Variants in THSD4 observed in about 807,000 individuals in gnomAD.
THSD4 encodes thrombospondin type-1 domain-containing protein 4.
Under a neutral mutation model 119.0 loss-of-function variants are expected in THSD4, and 69 were observed. That is an observed-to-expected ratio of 0.58 (90% CI 0.48 to 0.71). The LOEUF is 0.71. Ranked by LOEUF, THSD4 falls within the 30% of genes least tolerant of loss-of-function variation. The pLI is 0.00. For synonymous variants in THSD4, 524 were observed against 540.4 expected (o/e 0.97, Z 0.42); for missense variants, 1,393 against 1,391.1 (o/e 1.00, Z -0.02).
In THSD4 at chr15:71,740,608, C is replaced by T. The variant is rs60373160; in HGVS notation, c.1906+2601C>T. On this transcript the variant is annotated intron_variant, in intron 11 of 17. Coordinates refer to ENST00000261862, the MANE Select transcript of THSD4 (RefSeq NM_024817.3). ...TCTCCTCCAGACGCTCCCACGGTCTCTCTAATGGAGCAAACTCATAACCAA... is the reference window on the plus strand; with the variant it reads ...TCTCCTCCAGACGCTCCCACGGTCTTTCTAATGGAGCAAACTCATAACCAA... 1.8e-3 allele frequency among the ~76,000 whole-genome samples: 267 copies of T among 152,292 alleles called. 4 individuals are homozygous for T. The highest frequency in any genetic ancestry group is 6.1e-3 in the African/African-American group (253 of 41,560).
intron 7 of THSD4, among the ~76,000 whole-genome samples, chr15:71,533,733 TA>T (rs1327324915): frequency 1.3e-5 from 2 of 152,114 alleles, no homozygotes; most frequent in Non-Finnish European, 2.9e-5. Flanking sequence ...CAAGGGTCCT[TA>T]AAGGTGGAAG....
At chr15:71,514,291 T>C (rs912844005) in intron 7 of THSD4, among the ~76,000 whole-genome samples, 5 of 152,166 alleles carry the variant, frequency 3.3e-5, no homozygotes, top group African/African-American at 1.2e-4. Flanking sequence ...GCACCTGTGA[T>C]GGAAAGAGGC....
At chr15:71,678,164 C>T (rs984129811) in intron 8 of THSD4, among the ~76,000 whole-genome samples, 1 of 152,190 alleles carries the variant, frequency 6.6e-6, no homozygotes, top group African/African-American at 2.4e-5. Flanking sequence ...TTTAAATCTT[C>T]CCTGTTTGAA....
rs1464872382 is a variant in THSD4 at position 71,357,929 on chromosome 15, C to T, written c.1016-53758C>T. ...GCATTCATGCTGGCCTTGTGCTGCG[C>T]GATTCCTACCAAATACCTCAAACTT... On this transcript the variant is annotated intron_variant, in intron 6 of 17. Transcript: ENST00000261862. 5.3e-5 allele frequency among the ~76,000 whole-genome samples: 8 copies of T among 152,214 alleles called. No individual in the cohort carries two copies. In the South Asian group the frequency reaches 6.2e-4, roughly 12 times the overall value.
chr15:71,140,562 A>G (rs1259588893), intron 1 of THSD4, among the ~76,000 whole-genome samples: 1 of 152,022 alleles, frequency 6.6e-6, no homozygotes, highest in Non-Finnish European at 1.5e-5. Flanking sequence ...AAGTATCCAA[A>G]CTCTCAGTAT....
chr15:71,552,370 G>A lies in THSD4; in HGVS notation c.1153-108160G>A, dbSNP rs556524861. Among the ~76,000 whole-genome samples the A allele has an allele frequency of 3.3e-5, 5 of 152,276 alleles. No homozygotes were observed. In the South Asian group the frequency reaches 8.3e-4, roughly 25 times the overall value. On this transcript the variant is annotated intron_variant, in intron 7 of 17. Transcript: ENST00000261862. ...AAATCAAATTAAATAATGAATGTAGGACTGCTTTGTAAGCAGTGACACCCT... is the reference window on the plus strand; with the variant it reads ...AAATCAAATTAAATAATGAATGTAGAACTGCTTTGTAAGCAGTGACACCCT...
At chr15:71,249,831 A>G (rs2044242178) in intron 5 of THSD4, among the ~76,000 whole-genome samples, 1 of 152,130 alleles carries the variant, frequency 6.6e-6, no homozygotes, top group Non-Finnish European at 1.5e-5. Context: ...GCTTCTTGAT[A>G]TATCAACTTA....
intron 8 of THSD4, among the ~76,000 whole-genome samples, chr15:71,693,042 G>C (rs146415878): frequency 6.3e-4 from 96 of 152,040 alleles, no homozygotes; most frequent in African/African-American, 2.2e-3. Context: ...TTCTTGCTAT[G>C]GTTCTGAATG....
chr15:71,308,248 C>G (rs1368237639), intron 6 of THSD4, among the ~76,000 whole-genome samples: 1 of 152,224 alleles, frequency 6.6e-6, no homozygotes, highest in African/African-American at 2.4e-5. Flanking sequence ...CTGGAATATG[C>G]AAGGTTTGAG....
At chr15:71,111,432 G>A, upstream of THSD4, 3 of 1,594,970 alleles carry the variant, frequency 1.9e-6, no homozygotes, top group African/African-American at 1.3e-5. Context: ...AGTTCCTGGA[G>A]GAGGAAGAAA....
At chr15:71,527,605 A>G (rs2048541915) in intron 7 of THSD4, among the ~76,000 whole-genome samples, 1 of 150,960 alleles carries the variant, frequency 6.6e-6, no homozygotes, top group Admixed American at 6.6e-5. Context: ...CACACACAGC[A>G]CTTTAGTTAA....
At chr15:71,436,599 C>T (rs1291711736) in intron 7 of THSD4, among the ~76,000 whole-genome samples, 1 of 152,154 alleles carries the variant, frequency 6.6e-6, no homozygotes, top group Non-Finnish European at 1.5e-5. Flanking sequence ...GTTCACAGCA[C>T]CTCATCTGTA....
intron 7 of THSD4, among the ~76,000 whole-genome samples, chr15:71,556,764 T>TAAAA (rs61509514): frequency 0.33 from 45,551 of 137,904 alleles, 8,945 homozygotes; most frequent in South Asian, 0.45. Flanking sequence ...GACCCTGTCT[T>TAAAA]AAAAAAAAAA....
chr15:71,350,518 G>A (rs2045730561), intron 6 of THSD4, among the ~76,000 whole-genome samples: 1 of 151,764 alleles, frequency 6.6e-6, no homozygotes, highest in African/African-American at 2.4e-5. Context: ...AAGGAACCAA[G>A]GTGTTGCAAC....
intron 7 of THSD4, among the ~76,000 whole-genome samples, chr15:71,613,931 A>G (rs1230481080): frequency 1.3e-5 from 2 of 152,210 alleles, no homozygotes; most frequent in Non-Finnish European, 2.9e-5. Flanking sequence ...CATGTAGACT[A>G]GACCATAAAC....
chr15:71,404,651 A>G (rs1048662199), intron 6 of THSD4, among the ~76,000 whole-genome samples: 12 of 152,176 alleles, frequency 7.9e-5, no homozygotes, highest in African/African-American at 1.2e-4. Flanking sequence ...GAGGGCTCCA[A>G]TCTCATTAAT....
At chr15:71,519,960 C>A (rs1595851626) in intron 7 of THSD4, among the ~76,000 whole-genome samples, 1 of 152,166 alleles carries the variant, frequency 6.6e-6, no homozygotes, top group East Asian at 1.9e-4. Context: ...GGGGAGTTTG[C>A]TGCAGCGGCA....
At chr15:71,267,131 C>T (rs1175752044) in intron 6 of THSD4, among the ~76,000 whole-genome samples, 1 of 152,044 alleles carries the variant, frequency 6.6e-6, no homozygotes, top group African/African-American at 2.4e-5. Context: ...AGATACTGCT[C>T]GAGAAGAGCA....
At position 71,725,537 on chromosome 15, in the gene THSD4, G is replaced by A. The variant is rs572929926; in HGVS notation, c.1358-3012G>A. Among the ~76,000 whole-genome samples, 3 of 152,286 alleles carry A rather than the reference G, an allele frequency of 2.0e-5. No homozygotes were observed. In the South Asian group the frequency reaches 6.2e-4, roughly 32 times the overall value. ...GAGACAGAAAAGAAAACAGAAATGA[G>A]CAGCCTGAGAGCAGGAGGAAAGCAA... On this transcript the variant is annotated intron_variant, in intron 8 of 17. Coordinates refer to ENST00000261862, the MANE Select transcript of THSD4 (RefSeq NM_024817.3).
Sources: gnomAD v4.1 joint callset for allele counts (sites outside exome capture counted in the v4.1 genomes callset) on GRCh38, gnomAD v4.1.1 for gene constraint, MANE v1.5 for transcripts, NCBI Gene and HGNC (gene_info 2026-07-23, HGNC 2026-07-21) for gene names.